The following RHBDD1 variants were observed in gnomAD, a reference collection of about 807,000 sequenced individuals.
The protein encoded by RHBDD1 is rhomboid domain containing 1, also known as rhomboid-related protein 4.
In RHBDD1, 38 loss-of-function variants were observed where a neutral mutation model predicts 36.3. The ratio of observed to expected loss-of-function variants is 1.05; its 90% CI spans 0.81 to 1.37. The LOEUF (loss-of-function observed/expected upper bound fraction) is 1.37. RHBDD1 is among the 40% of genes most tolerant of loss of function. The probability of loss-of-function intolerance (pLI) is 0.00; values close to 1 mark genes in which losing one functional copy is unlikely to be tolerated. For missense variants in RHBDD1, 393 were observed against 377.6 expected (o/e 1.04, Z -0.34); for synonymous variants, 151 against 136.5 (o/e 1.11, Z -0.74).
intron 3 of RHBDD1, among the ~76,000 whole-genome samples, chr2:226,854,832 G>A (rs1300500614): frequency 6.6e-6 from 1 of 152,108 alleles, no homozygotes; most frequent in Non-Finnish European, 1.5e-5. Flanking sequence ...GATTGAGGTG[G>A]GGGGCACAAC....
At chr2:226,981,728 C>T (rs1462382884) in intron 8 of RHBDD1, among the ~76,000 whole-genome samples, 1 of 152,152 alleles carries the variant, frequency 6.6e-6, no homozygotes, top group Non-Finnish European at 1.5e-5. Flanking sequence ...TTAAAATGAC[C>T]ATCATACTTC....
the RHBDD1 span, among the ~76,000 whole-genome samples, chr2:226,814,466 C>A: frequency 0.073 from 11,064 of 152,040 alleles, 466 homozygotes; most frequent in East Asian, 0.13. Flanking sequence ...TAATGAGGAG[C>A]CTTTGGTATG....
chr2:226,851,626 C>T (rs1942825438), intron 3 of RHBDD1, among the ~76,000 whole-genome samples: 1 of 152,156 alleles, frequency 6.6e-6, no homozygotes, highest in Admixed American at 6.5e-5. Context: ...TCGCTCACCA[C>T]TACCAAGGCC....
intron 8 of RHBDD1, among the ~76,000 whole-genome samples, chr2:226,933,600 T>A (rs1215382257): frequency 6.6e-6 from 1 of 152,088 alleles, no homozygotes; most frequent in African/African-American, 2.4e-5. Context: ...TCATTTTAGA[T>A]TTATATTTGT....
At chr2:226,906,724 A>G (rs1444637249) in intron 5 of RHBDD1, 69 bp from the exon 6 acceptor site, 10 of 1,612,644 alleles carry the variant, frequency 6.2e-6, no homozygotes, top group Non-Finnish European at 7.6e-6. Flanking sequence ...GCACTGGGCT[A>G]ATGAGAAGAC....
chr2:226,931,452 G>C (rs1473461793), intron 8 of RHBDD1, among the ~76,000 whole-genome samples: 5 of 151,968 alleles, frequency 3.3e-5, no homozygotes, highest in African/African-American at 1.2e-4. Context: ...AGTATGCAAA[G>C]ACATACAGAG....
At chr2:226,893,381 G>A (rs1267118743) in intron 5 of RHBDD1, among the ~76,000 whole-genome samples, 1 of 152,178 alleles carries the variant, frequency 6.6e-6, no homozygotes, top group East Asian at 1.9e-4. Flanking sequence ...AATAGCAGAT[G>A]GCAGAGCATT....
intron 3 of RHBDD1, among the ~76,000 whole-genome samples, chr2:226,856,272 A>G (rs1053589105): frequency 1.6e-4 from 25 of 152,234 alleles, no homozygotes; most frequent in African/African-American, 5.8e-4. Flanking sequence ...GTATTCATGT[A>G]TTTGAAAAGA....
chr2:226,965,410 T>C (rs757658822), intron 8 of RHBDD1, among the ~76,000 whole-genome samples: 2 of 152,122 alleles, frequency 1.3e-5, no homozygotes, highest in African/African-American at 2.4e-5. Context: ...TAATTTGTTA[T>C]AGCAACCCTA....
At position 226,906,898 on chromosome 2, in the gene RHBDD1, C is replaced by T; in HGVS notation, c.655+17C>T. 6.2e-7 allele frequency: 1 copy of T among 1,612,068 alleles called. No individual in the cohort carries two copies. The highest frequency in any genetic ancestry group is 1.3e-5 in the African/African-American group (1 of 74,994). Reference sequence around the variant, plus strand: ...CATGTGCAGGTACAGAATAAAACACCTTTGGCATGACAACAGCTTGGAAGT... The same window carrying T: ...CATGTGCAGGTACAGAATAAAACACTTTTGGCATGACAACAGCTTGGAAGT... On this transcript the variant is annotated intron_variant, in intron 6 of 8. Transcript: ENST00000392062.
chr2:226,802,784 T>C, the RHBDD1 span, among the ~76,000 whole-genome samples: 1 of 152,230 alleles, frequency 6.6e-6, no homozygotes, highest in Non-Finnish European at 1.5e-5. Context: ...CATCACAACA[T>C]TGCAACAGCT....
intron 3 of RHBDD1, among the ~76,000 whole-genome samples, chr2:226,862,371 T>A (rs1416681484): frequency 2.7e-5 from 4 of 150,658 alleles, no homozygotes; most frequent in East Asian, 3.9e-4. Context: ...TTTTTTTTTT[T>A]AACTCTAAAA....
chr2:226,971,090 T>C (rs1267791790), intron 8 of RHBDD1, among the ~76,000 whole-genome samples: 1 of 152,074 alleles, frequency 6.6e-6, no homozygotes, highest in Non-Finnish European at 1.5e-5. Flanking sequence ...TCTGTTTCAT[T>C]TTGGAACCAA....
intron 8 of RHBDD1, among the ~76,000 whole-genome samples, chr2:226,930,153 A>C (rs368743044): frequency 1.8e-4 from 27 of 152,216 alleles, no homozygotes; most frequent in African/African-American, 5.8e-4. Flanking sequence ...GAAATGTAAA[A>C]AATAACCCAA....
At chr2:226,861,193 TA>T (rs1438236463) in intron 3 of RHBDD1, among the ~76,000 whole-genome samples, 5 of 152,138 alleles carry the variant, frequency 3.3e-5, no homozygotes, top group Non-Finnish European at 7.4e-5. Context: ...ATCATCCTGA[TA>T]AAAAGAATTA....
At chr2:226,897,700 G>A (rs1204178371) in intron 5 of RHBDD1, among the ~76,000 whole-genome samples, 1 of 152,130 alleles carries the variant, frequency 6.6e-6, no homozygotes, top group Non-Finnish European at 1.5e-5. Context: ...GGCCGGGTGT[G>A]GTGGCTCATG....
Position 226,995,758 on chromosome 2 carries a change from T to C in RHBDD1, c.*236T>C. ...GCTCATAAACAGGTCACTTCCTCCA[T>C]GAAGAGACCAGTTTCCACGCTCCCA... On this transcript the variant is annotated 3_prime_UTR_variant, in exon 9 of 9. Coordinates refer to ENST00000392062, the MANE Select transcript of RHBDD1 (RefSeq NM_001167608.3). 1 of 523,566 alleles carries C rather than the reference T, an allele frequency of 1.9e-6. No individual in the cohort carries two copies. Among genetic ancestry groups the C allele is most frequent in the Non-Finnish European group, 3.4e-6 (1 of 297,600 alleles). The allele number at this position is 523,566 out of a possible 1,614,324, so 32.4% of individuals were successfully genotyped here. A position where few individuals can be genotyped will look rare whatever the true frequency, so the allele number is the denominator to read the frequency against.
At chr2:226,824,932 C>A in the RHBDD1 span, among the ~76,000 whole-genome samples, 33 of 152,344 alleles carry the variant, frequency 2.2e-4, no homozygotes, top group African/African-American at 7.2e-4. Context: ...CCTAAAACCA[C>A]TTTCAGACTA....
chr2:226,803,411 A>G, the RHBDD1 span, among the ~76,000 whole-genome samples: 2 of 152,168 alleles, frequency 1.3e-5, no homozygotes, highest in Non-Finnish European at 2.9e-5. Flanking sequence ...TAATTTTTAC[A>G]GAAGAGAGGA....
Sources: allele counts gnomAD v4.1 joint callset (sites outside exome capture counted in the v4.1 genomes callset), GRCh38; gene constraint gnomAD v4.1.1; transcripts MANE v1.5; gene names NCBI Gene and HGNC (gene_info 2026-07-23, HGNC 2026-07-21).